Variants in DCAF8L2 observed in about 807,000 individuals in gnomAD.
The protein encoded by DCAF8L2 is DDB1- and CUL4-associated factor 8-like protein 2.
For missense variants in DCAF8L2, 430 were observed against 490.7 expected, an observed-to-expected ratio of 0.88 and a Z score of 1.17; for synonymous variants, 200 against 190.9, an observed-to-expected ratio of 1.05 and a Z score of -0.39.
chrX:27,716,836 G>A (rs1931717056), intron 4 of DCAF8L2, among the ~76,000 whole-genome samples: 1 of 111,668 alleles, frequency 9.0e-6, no homozygotes, highest in Admixed American at 9.5e-5. Context: ...CCATCACCTA[G>A]GTATTAAGCC....
upstream of DCAF8L2, among the ~76,000 whole-genome samples, chrX:27,585,876 G>A (rs759374947): frequency 2.0e-4 from 22 of 111,157 alleles, no homozygotes; most frequent in Admixed American, 4.8e-4. Context: ...CCTCTCATTG[G>A]CTTCTGTTAC....
At chrX:27,706,151 A>G (rs1208731286) in intron 3 of DCAF8L2, among the ~76,000 whole-genome samples, 3 of 110,226 alleles carry the variant, frequency 2.7e-5, no homozygotes, top group African/African-American at 9.9e-5. Flanking sequence ...CCATTGGTCT[A>G]TTTGCCTGTT....
chrX:27,704,394 T>A (rs1175625305), intron 3 of DCAF8L2, among the ~76,000 whole-genome samples: 1 of 108,776 alleles, frequency 9.2e-6, no homozygotes, highest in Non-Finnish European at 1.9e-5. Flanking sequence ...AGAATATTAT[T>A]CTAAATAAAA....
At chrX:27,729,160 A>G (rs775741841) in intron 4 of DCAF8L2, among the ~76,000 whole-genome samples, 8 of 112,038 alleles carry the variant, frequency 7.1e-5, no homozygotes, top group African/African-American at 2.6e-4. Context: ...GTACTATAAG[A>G]CACTTCATGT....
chrX:27,542,700 G>A, the DCAF8L2 span, among the ~76,000 whole-genome samples: 3 of 106,535 alleles, frequency 2.8e-5, no homozygotes, highest in Non-Finnish European at 3.9e-5. Flanking sequence ...CCGCCACTAC[G>A]CCCGGCTAAT....
At chrX:27,551,203 T>C in the DCAF8L2 span, among the ~76,000 whole-genome samples, 1 of 109,171 alleles carries the variant, frequency 9.2e-6, no homozygotes, top group Non-Finnish European at 1.9e-5. Context: ...CCTGTAACTG[T>C]TCAAATGAAA....
intron 4 of DCAF8L2, among the ~76,000 whole-genome samples, chrX:27,744,092 C>A (rs1922035103): frequency 9.0e-6 from 1 of 111,134 alleles, no homozygotes; most frequent in Non-Finnish European, 1.9e-5. Context: ...TGATAAAAGA[C>A]CAATGCTTCC....
At chrX:27,705,044 A>T (rs1931296466) in intron 3 of DCAF8L2, among the ~76,000 whole-genome samples, 1 of 110,381 alleles carries the variant, frequency 9.1e-6, no homozygotes, top group South Asian at 3.8e-4. Flanking sequence ...GCTTCCATTT[A>T]TAAATGCAAT....
chrX:27,529,768 A>G, the DCAF8L2 span, among the ~76,000 whole-genome samples: 1 of 112,109 alleles, frequency 8.9e-6, no homozygotes, highest in Non-Finnish European at 1.9e-5. Context: ...GAATTGTTCA[A>G]ATTATATCAC....
intron 2 of DCAF8L2, among the ~76,000 whole-genome samples, chrX:27,644,078 C>T (rs751637219): frequency 9.0e-6 from 1 of 111,525 alleles, no homozygotes; most frequent in Non-Finnish European, 1.9e-5. Context: ...ATCAATGTCT[C>T]CTCCTCTGAG....
chrX:27,617,497 A>G (rs2147148891), intron 1 of DCAF8L2, among the ~76,000 whole-genome samples: 1 of 111,606 alleles, frequency 9.0e-6, no homozygotes, highest in South Asian at 3.7e-4. Context: ...ATATGATTCA[A>G]GGATTTTTAC....
chrX:27,652,273 A>C (rs183184452), intron 2 of DCAF8L2, among the ~76,000 whole-genome samples: 28 of 111,684 alleles, frequency 2.5e-4, no homozygotes, highest in African/African-American at 8.1e-4. Flanking sequence ...GTTTATTAGC[A>C]AAGAGGAAAA....
the DCAF8L2 span, among the ~76,000 whole-genome samples, chrX:27,500,700 C>T: frequency 1.8e-5 from 2 of 111,231 alleles, no homozygotes; most frequent in African/African-American, 3.3e-5. Context: ...CATATAAAAA[C>T]GAGGTAAGTC....
chrX:27,514,532 A>G, the DCAF8L2 span, among the ~76,000 whole-genome samples: 3 of 103,926 alleles, frequency 2.9e-5, no homozygotes, highest in African/African-American at 1.1e-4. Context: ...AGCCGGGCGT[A>G]GTGGCGGGCG....
At chrX:27,591,014 TAA>T (rs1555916217) in intron 1 of DCAF8L2, among the ~76,000 whole-genome samples, 2 of 96,798 alleles carry the variant, frequency 2.1e-5, no homozygotes, top group Non-Finnish European at 4.2e-5. Flanking sequence ...TATATATATA[TAA>T]ATAAATAATT....
At chrX:27,631,258 G>A (rs977843376) in intron 1 of DCAF8L2, among the ~76,000 whole-genome samples, 3 of 111,458 alleles carry the variant, frequency 2.7e-5, no homozygotes, top group Non-Finnish European at 5.6e-5. Context: ...ACATAATAAA[G>A]GTCATAGATG....
chrX:27,532,395 G>C, the DCAF8L2 span, among the ~76,000 whole-genome samples: 1 of 111,775 alleles, frequency 8.9e-6, no homozygotes, highest in South Asian at 3.7e-4. Flanking sequence ...GAGACAATTT[G>C]AGAAGCCAAA....
intron 3 of DCAF8L2, among the ~76,000 whole-genome samples, chrX:27,715,372 A>C (rs1223909561): frequency 9.2e-6 from 1 of 109,164 alleles, no homozygotes; most frequent in East Asian, 2.8e-4. Flanking sequence ...GTCTCAAAAA[A>C]AAAAAAAAAA....
intron 1 of DCAF8L2, among the ~76,000 whole-genome samples, chrX:27,629,463 TTTTC>T (rs1406915061): frequency 6.1e-4 from 67 of 110,275 alleles, no homozygotes; most frequent in Non-Finnish European, 9.3e-4. Flanking sequence ...TCTCTCTCTT[TTTTC>T]TTTCTTTCTT....
Sources: allele counts gnomAD v4.1 joint callset (sites outside exome capture counted in the v4.1 genomes callset), GRCh38; gene constraint gnomAD v4.1.1; transcripts MANE v1.5; gene names NCBI Gene and HGNC (gene_info 2026-07-23, HGNC 2026-07-21).